Variants in ZNF841 observed in about 807,000 individuals in gnomAD.
ZNF841 encodes the protein zinc finger protein 841, also known as TCONS_00006091.
ZNF841 carries 11 observed loss-of-function variants against 13.0 expected under a neutral mutation model. The ratio of observed to expected loss-of-function variants is 0.85; its 90% confidence interval spans 0.53 to 1.40. The LOEUF (loss-of-function observed/expected upper bound fraction) is 1.40. Among genes scored for constraint, ZNF841 ranks in the 40% most tolerant of loss-of-function variants. The probability of loss-of-function intolerance (pLI) is 0.00; values close to 1 mark genes in which losing one functional copy is unlikely to be tolerated. For synonymous variants in ZNF841, 369 were observed against 381.6 expected (o/e 0.97, Z 0.38); for missense variants, 1,068 against 1,139.5 (o/e 0.94, Z 0.90).
intron 2 of ZNF841, among the ~76,000 whole-genome samples, chr19:52,091,231 T>C (rs1009180946): frequency 6.6e-6 from 1 of 152,204 alleles, no homozygotes; most frequent in African/African-American, 2.4e-5. Context: ...TGTTCATAGA[T>C]TGTAAGAATA....
At chr19:52,062,077 C>G (rs2061353465), downstream of ZNF841, among the ~76,000 whole-genome samples, 1 of 152,140 alleles carries the variant, frequency 6.6e-6, no homozygotes, top group Admixed American at 6.5e-5. Flanking sequence ...GTCCCCTTCT[C>G]TATAACTGAT....
downstream of ZNF841, chr19:52,063,525 T>C (rs982083494): frequency 6.6e-6 from 1 of 152,048 alleles, no homozygotes; most frequent in Non-Finnish European, 1.5e-5. Context: ...TTTTGTATTT[T>C]TTAGTAGAGA....
At position 52,076,056 on chromosome 19, in the gene ZNF841, C is replaced by T. The variant is rs1286458956; in HGVS notation, c.259G>A (p.Gly87Ser). 6.4e-7 allele frequency: 1 copy of T among 1,552,736 alleles called. No homozygotes were observed. The highest frequency in any genetic ancestry group is 1.2e-5 in the South Asian group (1 of 84,118). ...RNPNCGECMK[G>S]VITGISPKCV... is the part of the protein sequence containing the mutation. ...TCTGAGCTCTTACCGGTGATCACGC[C>T]TTTCATGCATTCCCCACAGTTTGGG... Residue 87 changes from glycine to serine, a missense_variant, in exon 6 of 7, where the codon GGC (glycine) becomes AGC (serine). Physicochemically the swap from Gly to Ser is moderately conservative, Grantham distance 56 (BLOSUM62 0). Transcript: ENST00000594440.
intron 4 of ZNF841, among the ~76,000 whole-genome samples, chr19:52,080,776 A>C (rs1347460423): frequency 6.6e-6 from 1 of 152,174 alleles, no homozygotes; most frequent in Non-Finnish European, 1.5e-5. Flanking sequence ...AGAGATGACA[A>C]GCAAAGGCCC....
rs540626161 is a variant in ZNF841, at chr19:52,065,660, T to G, written c.2222A>C (p.Glu741Ala). The G allele has an allele frequency of 1.2e-6, 2 of 1,605,062 alleles. No individual in the cohort carries two copies. The highest frequency in any genetic ancestry group is 2.2e-5 in the East Asian group (1 of 44,582). ...HTGEMPYKCI[E>A]CGKVFNSTTT... ...AGTGGAGTTAAAGACTTTCCCACAT[T>G]CAATACATTTGTATGGCATCTCTCC... The change falls in exon 7 of 7, where the codon GAA becomes GCA. Residue 741 changes from glutamate to alanine, a missense_variant. Coordinates refer to ENST00000594440, the MANE Select transcript of ZNF841 (RefSeq NM_001136499.2).
At chr19:52,092,579 T>C (rs192316621) in intron 2 of ZNF841, among the ~76,000 whole-genome samples, 8 of 152,324 alleles carry the variant, frequency 5.3e-5, no homozygotes, top group Admixed American at 4.6e-4. Context: ...AAAAACACTA[T>C]GGACATTCTT....
intron 6 of ZNF841, among the ~76,000 whole-genome samples, chr19:52,071,211 A>C (rs1474302030): frequency 1.3e-5 from 2 of 152,214 alleles, no homozygotes; most frequent in Admixed American, 6.5e-5. Context: ...ATGTCTCTAT[A>C]ATATTTGCTA....
intron 6 of ZNF841, among the ~76,000 whole-genome samples, chr19:52,071,095 T>G (rs1484817966): frequency 1.3e-5 from 2 of 152,168 alleles, no homozygotes; most frequent in Admixed American, 6.5e-5. Context: ...GAGGTAGTAT[T>G]GTACTGACTA....
intron 5 of ZNF841, among the ~76,000 whole-genome samples, chr19:52,076,643 A>G (rs1259153355): frequency 7.9e-6 from 1 of 127,016 alleles, no homozygotes; most frequent in African/African-American, 3.7e-5. Context: ...ACAGACTGAG[A>G]CTGTGTCAAA....
At chr19:52,090,689 A>AAGAAAGAAAG (rs1347249401) in intron 2 of ZNF841, among the ~76,000 whole-genome samples, 1 of 150,450 alleles carries the variant, frequency 6.6e-6, no homozygotes, top group Non-Finnish European at 1.5e-5. Context: ...GAAAGAAAGA[A>AAGAAAGAAAG]AGAAAGAAAG....
At chr19:52,071,777 A>G (rs2087745025) in intron 6 of ZNF841, among the ~76,000 whole-genome samples, 1 of 152,252 alleles carries the variant, frequency 6.6e-6, no homozygotes. Context: ...GAAGGCAGTA[A>G]GACAAACAGA....
downstream of ZNF841, among the ~76,000 whole-genome samples, chr19:52,060,965 G>A (rs1362633624): frequency 6.6e-6 from 1 of 152,204 alleles, no homozygotes; most frequent in East Asian, 1.9e-4. Flanking sequence ...TATTGCCTAA[G>A]TTGAGAGCGT....
rs575642597 is a variant in ZNF841, at chr19:52,094,889, C to T, written c.-270+686G>A. On this transcript the variant is annotated intron_variant, in intron 1 of 6. Coordinates refer to ENST00000594440, the MANE Select transcript of ZNF841 (RefSeq NM_001136499.2). The stretch of plus-strand genomic sequence containing the variant: ...AAATTTCTCTGTGTGCTTTTCTCCC[C>T]CTGCTACTTTTTCCATCCGTTCTCT... Among the ~76,000 whole-genome samples the T allele has an allele frequency of 2.3e-4, 35 of 152,234 alleles. 3 individuals are homozygous for T. The highest frequency in any genetic ancestry group is 7.9e-4 in the African/African-American group (33 of 41,538).
chr19:52,092,591 A>C (rs2088534375), intron 2 of ZNF841, among the ~76,000 whole-genome samples: 1 of 152,242 alleles, frequency 6.6e-6, no homozygotes, highest in Non-Finnish European at 1.5e-5. Flanking sequence ...GACATTCTTC[A>C]AAATATTAAA....
intron 2 of ZNF841, among the ~76,000 whole-genome samples, chr19:52,091,135 C>G (rs757362641): frequency 1.8e-4 from 28 of 152,046 alleles, no homozygotes; most frequent in Non-Finnish European, 3.4e-4. Flanking sequence ...TGTCCGTCCC[C>G]CTTTGTTCAG....
chr19:52,067,927 G>A (rs1228979085), intron 6 of ZNF841, among the ~76,000 whole-genome samples: 1 of 151,936 alleles, frequency 6.6e-6, no homozygotes, highest in East Asian at 1.9e-4. Context: ...ACACCAATTG[G>A]CAGTAAACAT....
chr19:52,067,737 C>T, intron 6 of ZNF841, 127 bp from the exon 7 acceptor site: 1 of 586,452 alleles, frequency 1.7e-6, no homozygotes, highest in East Asian at 3.4e-5. Flanking sequence ...CTACCATGAT[C>T]TTCTATTTGT....
chr19:52,066,133 G>A lies in ZNF841; in HGVS notation c.1749C>T (p.Cys583=). Residue 583 remains cysteine (C), a synonymous_variant, in exon 7 of 7, where the codon TGC becomes TGT. Transcript: ENST00000594440. ...TATGCATTCTTTGATGACGTGCTAG[G>A]CATGAATAGTAAGTGAAGACCATGC... ...KCGMVFTYYS[C]LARHQRMHTG... The A allele has an allele frequency of 6.2e-7, 1 of 1,609,408 alleles. No individual in the cohort carries two copies. Among genetic ancestry groups the A allele is most frequent in the Non-Finnish European group, 8.5e-7 (1 of 1,178,462 alleles).
At chr19:52,090,440 T>C (rs964277321) in intron 2 of ZNF841, among the ~76,000 whole-genome samples, 10 of 151,722 alleles carry the variant, frequency 6.6e-5, no homozygotes, top group South Asian at 6.3e-4. Flanking sequence ...ATACCTGTAG[T>C]CTTAGCCCTT....
Sources: allele counts gnomAD v4.1 joint callset (sites outside exome capture counted in the v4.1 genomes callset), GRCh38; gene constraint gnomAD v4.1.1; transcripts MANE v1.5; gene names NCBI Gene and HGNC (gene_info 2026-07-23, HGNC 2026-07-21).